KCNMA1: variants seen among roughly 807,000 people sequenced by gnomAD.
The protein encoded by KCNMA1 is potassium calcium-activated channel subfamily M alpha 1.
A neutral mutation model predicts 140.0 loss-of-function variants in KCNMA1; 29 were observed. The observed-to-expected ratio is 0.21, with a 90% CI of 0.15 to 0.28. The LOEUF is 0.28. Ranked by LOEUF, KCNMA1 falls within the 10% of genes least tolerant of loss-of-function variation. The pLI is 1.00. For missense variants in KCNMA1, 880 were observed against 1,602.2 expected, an observed-to-expected ratio of 0.55 and a Z score of 7.70; for synonymous variants, 612 against 611.9, an observed-to-expected ratio of 1.00 and a Z score of 0.00.
intron 1 of KCNMA1, among the ~76,000 whole-genome samples, chr10:77,420,539 T>C (rs891587066): frequency 2.6e-5 from 4 of 152,182 alleles, no homozygotes; most frequent in South Asian, 2.1e-4. Flanking sequence ...CAGTCCTCAT[T>C]ACATTCTAGT....
At chr10:76,985,662 C>A (rs565294022) in intron 19 of KCNMA1, among the ~76,000 whole-genome samples, 6 of 152,170 alleles carry the variant, frequency 3.9e-5, no homozygotes, top group Non-Finnish European at 5.9e-5. Context: ...CACACAAACG[C>A]GATAGCAAAG....
chr10:77,038,021 C>CAG (rs1481990961), intron 15 of KCNMA1, among the ~76,000 whole-genome samples: 1 of 152,186 alleles, frequency 6.6e-6, no homozygotes, highest in African/African-American at 2.4e-5. Context: ...AATCAATTAC[C>CAG]TATTCACTTT....
intron 1 of KCNMA1, among the ~76,000 whole-genome samples, chr10:77,406,116 T>C (rs990736995): frequency 1.3e-5 from 2 of 152,094 alleles, no homozygotes; most frequent in Non-Finnish European, 2.9e-5. Context: ...CCTGCTGACA[T>C]GTGTGGGACC....
At chr10:76,952,761 G>A (rs2066780220) in intron 21 of KCNMA1, among the ~76,000 whole-genome samples, 1 of 152,178 alleles carries the variant, frequency 6.6e-6, no homozygotes, top group Admixed American at 6.5e-5. Context: ...AAAGTCCAGT[G>A]TGTTAGCATA....
rs553381962 is a variant in KCNMA1 at position 77,400,368 on chromosome 10, C to T, written c.540+3494G>A. Among the ~76,000 whole-genome samples the T allele has an allele frequency of 2.0e-5, 3 of 152,302 alleles. No individual in the cohort carries two copies. In the East Asian group the frequency reaches 5.8e-4, roughly 29 times the overall value. ...GGAGACCTTCAGAGAGCAGCTGGCA[C>T]CTTGGGCAGGCTCAGGCAAAGAGGC... On this transcript the variant is annotated intron_variant, in intron 2 of 27. Coordinates refer to ENST00000286628, the MANE Select transcript of KCNMA1 (RefSeq NM_001161352.2).
At chr10:77,067,066 G>A (rs781484425) in intron 14 of KCNMA1, among the ~76,000 whole-genome samples, 75 of 152,196 alleles carry the variant, frequency 4.9e-4, no homozygotes, top group Non-Finnish European at 7.9e-4. Flanking sequence ...GGGTCACAGT[G>A]TACCCAGATA....
chr10:77,008,244 A>G, intron 18 of KCNMA1: 1 of 1,514,192 alleles, frequency 6.6e-7, no homozygotes, highest in Non-Finnish European at 8.8e-7. Flanking sequence ...AAGGCAGCAA[A>G]GAGAAAAAAA....
chr10:76,884,118 A>G (rs146071328), downstream of KCNMA1: 108 of 318,944 alleles, frequency 3.4e-4, no homozygotes, highest in African/African-American at 2.3e-3. Context: ...CTGTATATAA[A>G]ACGCACTTCG....
At chr10:76,936,075 A>G (rs923998620) in intron 23 of KCNMA1, among the ~76,000 whole-genome samples, 1 of 152,220 alleles carries the variant, frequency 6.6e-6, no homozygotes, top group Non-Finnish European at 1.5e-5. Flanking sequence ...GAAATATGCT[A>G]TATAGGAAAA....
intron 1 of KCNMA1, among the ~76,000 whole-genome samples, chr10:77,630,412 C>T (rs1484275671): frequency 6.6e-6 from 1 of 152,170 alleles, no homozygotes; most frequent in Non-Finnish European, 1.5e-5. Flanking sequence ...AAACACTGCT[C>T]TGGCCACCAC....
chr10:76,935,367 A>G (rs986027179), intron 23 of KCNMA1, among the ~76,000 whole-genome samples: 2 of 152,202 alleles, frequency 1.3e-5, no homozygotes, highest in Non-Finnish European at 2.9e-5. Flanking sequence ...GCCCATTCTC[A>G]TCAGGATAAC....
chr10:77,138,945 G>C (rs2098111738), intron 5 of KCNMA1, among the ~76,000 whole-genome samples: 1 of 152,128 alleles, frequency 6.6e-6, no homozygotes, highest in African/African-American at 2.4e-5. Context: ...CTTCTTTATA[G>C]GGTTTACCAC....
At chr10:76,971,707 C>A (rs967788587) in intron 19 of KCNMA1, among the ~76,000 whole-genome samples, 2 of 152,104 alleles carry the variant, frequency 1.3e-5, no homozygotes, top group Non-Finnish European at 2.9e-5. Context: ...GAGCTCCAGG[C>A]AGAGACTATG....
intron 17 of KCNMA1, 49 bp downstream of exon 17, chr10:77,018,964 G>A (rs1341807647): frequency 7.8e-6 from 8 of 1,019,790 alleles, no homozygotes; most frequent in South Asian, 6.4e-5. Flanking sequence ...GTGGGTCAAG[G>A]TGTCTACAGC....
At chr10:77,060,003 C>G (rs1237673784) in intron 14 of KCNMA1, among the ~76,000 whole-genome samples, 1 of 152,062 alleles carries the variant, frequency 6.6e-6, no homozygotes, top group East Asian at 1.9e-4. Context: ...ATAAATCTAA[C>G]AAAACATGTA....
intron 19 of KCNMA1, chr10:76,980,384 T>C (rs1291869504): frequency 6.6e-6 from 1 of 152,172 alleles, no homozygotes; most frequent in Non-Finnish European, 1.5e-5. Flanking sequence ...CATACCTCAA[T>C]GTCCTACGAT....
chr10:77,637,612 TGCC>T lies in KCNMA1; in HGVS notation c.28_30del (p.Gly10del), dbSNP rs750804948. The stretch of plus-strand genomic sequence containing the variant: ...CCGCCGCCGCCGCCGCCGCCGCTGC[TGCC>T]GCCGCCGCCGCCGCCACCATTTGCC... On this transcript the variant is annotated inframe_deletion, in exon 1 of 28. Transcript: ENST00000286628. 4.4e-5 allele frequency: 67 copies of T among 1,519,328 alleles called. No homozygotes were observed. The highest frequency in any genetic ancestry group is 2.7e-4 in the East Asian group (11 of 40,128). 94.1% of individuals were successfully genotyped at this position (1,519,328 alleles called of 1,614,324 possible). A position where few individuals can be genotyped will look rare whatever the true frequency, so the allele number is the denominator to read the frequency against.
chr10:77,458,567 T>C (rs1457725157), intron 1 of KCNMA1, among the ~76,000 whole-genome samples: 1 of 152,270 alleles, frequency 6.6e-6, no homozygotes, highest in African/African-American at 2.4e-5. Context: ...TTGAAAATAC[T>C]GACATTCAAC....
At chr10:77,296,908 T>TA (rs1555163764) in intron 2 of KCNMA1, among the ~76,000 whole-genome samples, 3 of 80,264 alleles carry the variant, frequency 3.7e-5, no homozygotes, top group Non-Finnish European at 6.6e-5. Flanking sequence ...CCTGGGTGTG[T>TA]GGGCGGGGGG....
Sources: allele counts gnomAD v4.1 joint callset (sites outside exome capture counted in the v4.1 genomes callset), GRCh38; gene constraint gnomAD v4.1.1; transcripts MANE v1.5; gene names NCBI Gene and HGNC (gene_info 2026-07-23, HGNC 2026-07-21).